The following TFB1M variants were observed in gnomAD, a reference collection of about 807,000 sequenced individuals.
TFB1M encodes the protein transcription factor B1, mitochondrial, also known as dimethyladenosine transferase 1, mitochondrial.
In TFB1M, 27 loss-of-function variants were observed where a neutral mutation model predicts 31.1. The ratio of observed to expected loss-of-function variants is 0.87; its 90% CI spans 0.64 to 1.20. The LOEUF (loss-of-function observed/expected upper bound fraction) is 1.20, where lower values mean the gene tolerates loss of function less well. TFB1M is among the 50% of genes most tolerant of loss of function. The pLI, the probability that TFB1M is intolerant of heterozygous loss-of-function variation, is 0.00. For synonymous variants in TFB1M, 166 were observed against 151.8 expected (o/e 1.09, Z -0.69); for missense variants, 394 against 418.7 (o/e 0.94, Z 0.51).
At chr6:155,290,653 T>C (rs1776878394) in intron 4 of TFB1M, among the ~76,000 whole-genome samples, 1 of 152,150 alleles carries the variant, frequency 6.6e-6, no homozygotes, top group African/African-American at 2.4e-5. Flanking sequence ...ACAACTGACA[T>C]GCTGAGTCAC....
At position 155,257,187 on chromosome 6, in the gene TFB1M, TTG is replaced by T; in HGVS notation, c.*647_*648del. On this transcript the variant is annotated 3_prime_UTR_variant, in exon 7 of 7. Coordinates refer to ENST00000367166, the MANE Select transcript of TFB1M (RefSeq NM_016020.4). ...TTTTAAACTGGTGGTAAAGTGGAAA[TTG>T]CAAAAAAAAAAAAAAAAAAAAACTG... 1 of 1,036,044 alleles carries T rather than the reference TTG, an allele frequency of 9.7e-7. No individual in the cohort carries two copies. The highest frequency in any genetic ancestry group is 1.9e-5 in the South Asian group (1 of 52,574). 64.2% of individuals were successfully genotyped at this position (1,036,044 alleles called of 1,614,324 possible). A position where few individuals can be genotyped will look rare whatever the true frequency, so the allele number is the denominator to read the frequency against.
chr6:155,241,587 G>C, the TFB1M span, among the ~76,000 whole-genome samples: 2 of 152,148 alleles, frequency 1.3e-5, no homozygotes, highest in Non-Finnish European at 2.9e-5. Context: ...ACCTTGCTCT[G>C]CAAGACAGAT....
intron 5 of TFB1M, among the ~76,000 whole-genome samples, chr6:155,279,960 AT>A (rs913667063): frequency 1.3e-5 from 2 of 152,098 alleles, no homozygotes; most frequent in African/African-American, 4.8e-5. Context: ...GTTTATATTT[AT>A]TTTTATTTTG....
intron 4 of TFB1M, among the ~76,000 whole-genome samples, chr6:155,294,877 G>A (rs1180443489): frequency 6.6e-6 from 1 of 152,124 alleles, no homozygotes; most frequent in African/African-American, 2.4e-5. Context: ...AAAACAGAAC[G>A]ATGAAACTAA....
At chr6:155,279,292 A>C (rs759451948) in intron 5 of TFB1M, among the ~76,000 whole-genome samples, 5 of 152,102 alleles carry the variant, frequency 3.3e-5, no homozygotes, top group African/African-American at 4.8e-5. Flanking sequence ...TCTGACAAAA[A>C]TGATAGACTT....
At chr6:155,278,098 T>A in intron 5 of TFB1M, among the ~76,000 whole-genome samples, 1 of 152,162 alleles carries the variant, frequency 6.6e-6, no homozygotes, top group Non-Finnish European at 1.5e-5. Context: ...GAAGTGGCAA[T>A]CCTGCAATAA....
At chr6:155,296,618 G>A (rs1174843298) in intron 4 of TFB1M, among the ~76,000 whole-genome samples, 1 of 151,144 alleles carries the variant, frequency 6.6e-6, no homozygotes, top group African/African-American at 2.4e-5. Context: ...TAAGCCTAAA[G>A]GATCAATTTT....
chr6:155,250,686 C>T, the TFB1M span: 13 of 1,433,138 alleles, frequency 9.1e-6, no homozygotes, highest in South Asian at 1.5e-4. Context: ...CATGTGCGTG[C>T]ACTGGAGCAA....
the TFB1M span, among the ~76,000 whole-genome samples, chr6:155,242,188 T>C: frequency 0.98 from 149,460 of 152,328 alleles, 73,361 homozygotes; most frequent in East Asian, 1. Flanking sequence ...GATTTTGCTG[T>C]CCAGGAAGTC....
At chr6:155,244,691 C>T in the TFB1M span, 1 of 1,614,056 alleles carries the variant, frequency 6.2e-7, no homozygotes, top group Admixed American at 1.7e-5. Flanking sequence ...GCCAGAGATG[C>T]TTGAGTTTCA....
chr6:155,240,795 C>A, the TFB1M span: 1 of 1,376,722 alleles, frequency 7.3e-7, no homozygotes, highest in East Asian at 2.5e-5. Context: ...ATCACCTCTG[C>A]CCAGGACACC....
intron 2 of TFB1M, among the ~76,000 whole-genome samples, chr6:155,309,524 T>C (rs1359415674): frequency 6.6e-6 from 1 of 152,180 alleles, no homozygotes; most frequent in Non-Finnish European, 1.5e-5. Flanking sequence ...CAGTCGCTCT[T>C]TTCAACAATC....
intron 5 of TFB1M, among the ~76,000 whole-genome samples, chr6:155,261,816 G>A (rs1179553720): frequency 6.6e-6 from 1 of 152,196 alleles, no homozygotes; most frequent in Admixed American, 6.5e-5. Context: ...GTGCCAAGCG[G>A]CCTTTCCACA....
chr6:155,246,352 A>G, the TFB1M span, among the ~76,000 whole-genome samples: 1 of 152,148 alleles, frequency 6.6e-6, no homozygotes, highest in Non-Finnish European at 1.5e-5. Flanking sequence ...AAAGCCCCAC[A>G]TTTAAAAAGT....
chr6:155,274,426 A>T (rs1785075711), intron 5 of TFB1M, among the ~76,000 whole-genome samples: 1 of 152,224 alleles, frequency 6.6e-6, no homozygotes, highest in South Asian at 2.1e-4. Context: ...ATAAACAAAG[A>T]AAATAAAGGG....
At chr6:155,310,941 T>G in intron 2 of TFB1M, 1 of 505,500 alleles carries the variant, frequency 2.0e-6, no homozygotes. Flanking sequence ...TTAATTTGTT[T>G]AGCATAAATG....
intron 5 of TFB1M, among the ~76,000 whole-genome samples, chr6:155,279,173 A>C (rs984780809): frequency 6.6e-6 from 1 of 151,270 alleles, no homozygotes; most frequent in African/African-American, 2.4e-5. Flanking sequence ...CTTTGATAAA[A>C]AGTTACCAAA....
intron 3 of TFB1M, among the ~76,000 whole-genome samples, chr6:155,298,194 TTA>T (rs1777263100): frequency 6.6e-6 from 1 of 152,220 alleles, no homozygotes; most frequent in Non-Finnish European, 1.5e-5. Context: ...AATTGATAGT[TTA>T]CCCTATCCTT....
At chr6:155,296,850 G>C in intron 4 of TFB1M, 103 bp downstream of exon 4, 1 of 1,120,686 alleles carries the variant, frequency 8.9e-7, no homozygotes. Context: ...TGTGTAATAA[G>C]ATATTAACTT....
Sources: gnomAD v4.1 joint callset for allele counts (sites outside exome capture counted in the v4.1 genomes callset) on GRCh38, gnomAD v4.1.1 for gene constraint, MANE v1.5 for transcripts, NCBI Gene and HGNC (gene_info 2026-07-23, HGNC 2026-07-21) for gene names.